TREX1: variants seen among roughly 807,000 people sequenced by gnomAD.
TREX1 encodes the protein three prime repair exonuclease 1.
TREX1 carries 11 observed loss-of-function variants against 13.7 expected under a neutral mutation model. The observed-to-expected ratio is 0.80, with a 90% CI of 0.51 to 1.33. TREX1 has a LOEUF of 1.33. Among genes scored for constraint, TREX1 ranks in the 40% most tolerant of loss-of-function variants. TREX1 has a pLI of 0.00. For missense variants in TREX1, 409 were observed against 404.4 expected (o/e 1.01, Z -0.10); for synonymous variants, 178 against 178.8 (o/e 1.00, Z 0.03).
intron 1 of TREX1, 38 bp downstream of exon 1, chr3:48,466,347 G>A: frequency 9.1e-7 from 1 of 1,104,696 alleles, no homozygotes; most frequent in Non-Finnish European, 1.3e-6. Context: ...CGCAGGGCAG[G>A]AGGGCCATGG....
Position 48,467,497 on chromosome 3 carries a change from C to T in TREX1, c.842C>T (p.Ala281Val). 1.9e-6 allele frequency: 3 copies of T among 1,614,084 alleles called. No homozygotes were observed. The highest frequency in any genetic ancestry group is 2.5e-6 in the Non-Finnish European group (3 of 1,179,994). Residue 281 changes from alanine (A) to valine (V), a missense_variant, in exon 2 of 2, where the codon GCC becomes GTC. Physicochemically the swap from Ala to Val is moderately conservative, Grantham distance 64. Coordinates refer to ENST00000625293, the MANE Select transcript of TREX1 (RefSeq NM_033629.6). Reference sequence around the variant, plus strand: ...CTTCCTCCAGTGAAGGACCCTGGAGCCCTATCCAGGGAGGGGCTGCTGGCC... The same window carrying T: ...CTTCCTCCAGTGAAGGACCCTGGAGTCCTATCCAGGGAGGGGCTGCTGGCC... The part of the protein sequence containing the change: ...KDLPPVKDPG[A>V]LSREGLLAPL...
At position 48,467,534 on chromosome 3, in the gene TREX1, G is replaced by C. The variant is rs368090024; in HGVS notation, c.879G>C (p.Leu293=). The stretch of plus-strand genomic sequence containing the variant: ...AGGGGCTGCTGGCCCCACTGGGTCT[G>C]CTGGCCATCCTGACCTTGGCAGTAG... ...SREGLLAPLG[L]LAILTLAVAT... The change falls in exon 2 of 2, where the codon CTG becomes CTC. Residue 293 remains leucine (L), a synonymous_variant. Transcript: ENST00000625293. 1.1e-4 allele frequency: 176 copies of C among 1,613,948 alleles called. 4 individuals carry two copies. The South Asian group carries it at 1.8e-3, about 16-fold the overall frequency.
chr3:48,466,414 G>C, intron 1 of TREX1, 105 bp downstream of exon 1: 4 of 1,603,522 alleles, frequency 2.5e-6, no homozygotes, highest in Non-Finnish European at 3.4e-6. Context: ...ATGTGAAGAG[G>C]GAGACCCTCT....
chr3:48,465,943 G>A, upstream of TREX1: 1 of 290,254 alleles, frequency 3.4e-6, no homozygotes, highest in South Asian at 3.4e-5. Flanking sequence ...CCACAGGTGG[G>A]CATGAAAGGG....
At chr3:48,466,010 C>T (rs2040277711), upstream of TREX1, 1 of 316,850 alleles carries the variant, frequency 3.2e-6, no homozygotes, top group South Asian at 2.9e-5. Flanking sequence ...GCACCACTGC[C>T]CTGGTCCTTC....
At chr3:48,466,206 G>A, upstream of TREX1, 2 of 559,062 alleles carry the variant, frequency 3.6e-6, no homozygotes, top group East Asian at 6.2e-5. Context: ...ACGTGGGCCT[G>A]TAGGCGGGCC....
In TREX1 at chr3:48,466,980, C is replaced by A; in HGVS notation, c.325C>A (p.Leu109Ile). ...CFDDNLANLLLAFLRRQPQPW... is the reference protein window; with the variant it reads ...CFDDNLANLLIAFLRRQPQPW... ...TGATGACAACCTGGCCAACCTGCTC[C>A]TAGCCTTCCTGCGGCGCCAGCCACA... The change falls in exon 2 of 2, where the codon CTA becomes ATA. Residue 109 changes from leucine (L) to isoleucine (I), a missense_variant. Coordinates refer to ENST00000625293, the MANE Select transcript of TREX1 (RefSeq NM_033629.6). The A allele has an allele frequency of 6.2e-7, 1 of 1,612,984 alleles. No individual in the cohort carries two copies. Among genetic ancestry groups the A allele is most frequent in the Admixed American group, 1.7e-5 (1 of 60,010 alleles).
At position 48,466,939 on chromosome 3, in the gene TREX1, A is replaced by G. The variant is rs368972486; in HGVS notation, c.284A>G (p.His95Arg). Residue 95 changes from histidine to arginine, a missense_variant, in exon 2 of 2, where the codon CAT becomes CGT. By Grantham distance (29) the His-to-Arg change is conservative. Transcript: ENST00000625293. ...CTGAGCACAGCTGTGCTGGCAGCGC[A>G]TGGGCGTCAATGTTTTGATGACAAC... The part of the protein sequence containing the change: ...TGLSTAVLAA[H>R]GRQCFDDNLA... 8.1e-6 allele frequency: 13 copies of G among 1,611,494 alleles called. No homozygotes were observed. Among genetic ancestry groups the G allele is most frequent in the Middle Eastern group, 1.6e-4 (1 of 6,084 alleles).
In TREX1 at chr3:48,466,276, C is replaced by G. The variant is rs2279076; in HGVS notation, c.-60C>G. ...CGAGAGCCGCGGGAGAGTGTGCAGC[C>G]GAGTCACTACTGCCTGCCTGCCTGC... is the stretch of plus-strand genomic sequence containing the variant. On this transcript the variant is annotated 5_prime_UTR_variant, in exon 1 of 2. Coordinates refer to ENST00000625293, the MANE Select transcript of TREX1 (RefSeq NM_033629.6). 1.5e-6 allele frequency: 1 copy of G among 648,862 alleles called. No individual in the cohort carries two copies. Among genetic ancestry groups the G allele is most frequent in the Non-Finnish European group, 2.7e-6 (1 of 364,536 alleles). 40.2% of individuals were successfully genotyped at this position (648,862 alleles called of 1,614,324 possible). A position where few individuals can be genotyped will look rare whatever the true frequency, so the allele number is the denominator to read the frequency against.
chr3:48,466,285 ACTGCCTGC>A lies in TREX1; in HGVS notation c.-38_-31del, dbSNP rs371036312. The A allele has an allele frequency of 2.2e-3, 1,459 of 668,026 alleles. 3 individuals carry two copies. The highest frequency in any genetic ancestry group is 4.8e-3 in the Middle Eastern group (12 of 2,480). 41.4% of individuals were successfully genotyped at this position (668,026 alleles called of 1,614,324 possible). On this transcript the variant is annotated 5_prime_UTR_variant, in exon 1 of 2. Coordinates refer to ENST00000625293, the MANE Select transcript of TREX1 (RefSeq NM_033629.6). Reference sequence around the variant, plus strand: ...CGGGAGAGTGTGCAGCCGAGTCACTACTGCCTGCCTGCCTGCCTGCTACGGTGAGTGTG... The same window carrying A: ...CGGGAGAGTGTGCAGCCGAGTCACTACTGCCTGCCTGCTACGGTGAGTGTG...
Position 48,467,563 on chromosome 3 carries a change from C to G in TREX1, c.908C>G (p.Thr303Arg), listed in dbSNP as rs765487310. The change falls in exon 2 of 2, where the codon ACA (threonine) becomes AGA (arginine). Residue 303 changes from threonine (T) to arginine (R), a missense_variant. Coordinates refer to ENST00000625293, the MANE Select transcript of TREX1 (RefSeq NM_033629.6). ...LLAILTLAVA[T>R]LYGLSLATPG... ...GCCATCCTGACCTTGGCAGTAGCCA[C>G]ACTGTATGGACTATCCCTGGCCACA... is the stretch of plus-strand genomic sequence containing the variant. The G allele has an allele frequency of 6.2e-7, 1 of 1,613,806 alleles. No homozygotes were observed. The highest frequency in any genetic ancestry group is 8.5e-7 in the Non-Finnish European group (1 of 1,179,936).
rs748535974 is a variant in TREX1 at position 48,466,906 on chromosome 3, T to C, written c.251T>C (p.Ile84Thr). 1.2e-6 allele frequency: 2 copies of C among 1,611,876 alleles called. No individual in the cohort carries two copies. Among genetic ancestry groups the C allele is most frequent in the African/African-American group, 2.7e-5 (2 of 74,934 alleles). Residue 84 changes from isoleucine to threonine, a missense_variant, in exon 2 of 2, where the codon ATC becomes ACC. Ile to Thr is a moderately conservative substitution (Grantham distance 89). Transcript: ENST00000625293. ...GCCTGCAGCCCTGCAGCCAGCGAGA[T>C]CACAGGTCTGAGCACAGCTGTGCTG... ...GKACSPAASE[I>T]TGLSTAVLAA... is the part of the protein sequence containing the mutation.
rs1560113089 is a variant in TREX1, at chr3:48,467,314, A to C, written c.659A>C (p.Asp220Ala). 1 of 1,614,118 alleles carries C rather than the reference A, an allele frequency of 6.2e-7. No individual in the cohort carries two copies. Among genetic ancestry groups the C allele is most frequent in the South Asian group, 1.1e-5 (1 of 91,088 alleles). Residue 220 changes from aspartate (D) to alanine (A), a missense_variant, in exon 2 of 2, where the codon GAT becomes GCT. By Grantham distance (126) the Asp-to-Ala change is moderately radical (BLOSUM62 -2). Transcript: ENST00000625293. ...WRPQALLRWV[D>A]AHARPFGTIR... ...CCACAGGCCCTGCTGCGGTGGGTGG[A>C]TGCTCACGCCAGGCCTTTCGGCACC... is the stretch of plus-strand genomic sequence containing the variant.
Position 48,467,276 on chromosome 3 carries a change from C to G in TREX1, c.621C>G (p.Ile207Met), listed in dbSNP as rs1416361972. The change falls in exon 2 of 2, where the codon ATC becomes ATG. Residue 207 changes from isoleucine to methionine, a missense_variant. Transcript: ENST00000625293. ...AEGDVLALLS[I>M]CQWRPQALLR... The stretch of plus-strand genomic sequence containing the variant: ...GTGATGTCCTGGCCCTGCTCAGCAT[C>G]TGTCAGTGGAGACCACAGGCCCTGC... 3 of 1,614,078 alleles carry G rather than the reference C, an allele frequency of 1.9e-6. No individual in the cohort carries two copies. The African/African-American group carries it at 4.0e-5, about 22-fold the overall frequency.
Position 48,467,590 on chromosome 3 carries a change from C to G in TREX1, c.935C>G (p.Pro312Arg), listed in dbSNP as rs772805032. 12 of 1,611,186 alleles carry G rather than the reference C, an allele frequency of 7.4e-6. No individual in the cohort carries two copies. Among genetic ancestry groups the G allele is most frequent in the Non-Finnish European group, 1.0e-5 (12 of 1,178,370 alleles). ...CTGTATGGACTATCCCTGGCCACAC[C>G]TGGGGAGTAGGCCAAGAAGGAAAAT... ...ATLYGLSLAT[P>R]GE The change falls in exon 2 of 2, where the codon CCT (proline) becomes CGT (arginine). Residue 312 changes from proline to arginine, a missense_variant. Coordinates refer to ENST00000625293, the MANE Select transcript of TREX1 (RefSeq NM_033629.6).
Position 48,466,973 on chromosome 3 carries a change from C to T in TREX1, c.318C>T (p.Asn106=). ...AATGTTTTGATGACAACCTGGCCAA[C>T]CTGCTCCTAGCCTTCCTGCGGCGCC... ...GRQCFDDNLA[N]LLLAFLRRQP... Residue 106 remains asparagine, a synonymous_variant, in exon 2 of 2, where the codon AAC becomes AAT. Coordinates refer to ENST00000625293, the MANE Select transcript of TREX1 (RefSeq NM_033629.6). 6.2e-7 allele frequency: 1 copy of T among 1,612,768 alleles called. No individual in the cohort carries two copies. The highest frequency in any genetic ancestry group is 2.2e-5 in the East Asian group (1 of 44,886).
Position 48,466,770 on chromosome 3 carries a change from G to C in TREX1, c.115G>C (p.Val39Leu), listed in dbSNP as rs145434330. The C allele has an allele frequency of 1.2e-6, 2 of 1,613,806 alleles. No homozygotes were observed. The highest frequency in any genetic ancestry group is 2.7e-5 in the African/African-American group (2 of 74,906). ...PKVTELCLLA[V>L]HRCALESPPT... ...GGTCACGGAGCTGTGCCTGCTGGCT[G>C]TCCACAGATGTGCCCTGGAGAGCCC... Residue 39 changes from valine (V) to leucine (L), a missense_variant, in exon 2 of 2, where the codon GTC (valine) becomes CTC (leucine). Transcript: ENST00000625293.
chr3:48,466,197 C>T (rs972944315), upstream of TREX1: 7 of 543,602 alleles, frequency 1.3e-5, no homozygotes, highest in African/African-American at 3.8e-5. Context: ...GCCTGGCTCA[C>T]GTGGGCCTGT....
In TREX1 at chr3:48,466,950, T is replaced by C. The variant is rs757153008; in HGVS notation, c.295T>C (p.Cys99Arg). 6.2e-7 allele frequency: 1 copy of C among 1,612,002 alleles called. No individual in the cohort carries two copies. Reference protein sequence around the residue: ...TAVLAAHGRQCFDDNLANLLL... With the variant: ...TAVLAAHGRQRFDDNLANLLL... ...TGTGCTGGCAGCGCATGGGCGTCAA[T>C]GTTTTGATGACAACCTGGCCAACCT... Residue 99 changes from cysteine to arginine, a missense_variant, in exon 2 of 2, where the codon TGT (cysteine) becomes CGT (arginine). Transcript: ENST00000625293.
Sources: gnomAD v4.1 joint callset for allele counts on GRCh38, gnomAD v4.1.1 for gene constraint, MANE v1.5 for transcripts, NCBI Gene and HGNC (gene_info 2026-07-23, HGNC 2026-07-21) for gene names.